The following NCAPG2 variants were observed in gnomAD, a reference collection of about 807,000 sequenced individuals.
NCAPG2 encodes non-SMC condensin II complex subunit G2, also known as condensin-2 complex subunit G2.
NCAPG2 carries 53 observed loss-of-function variants against 141.1 expected under a neutral mutation model. The observed-to-expected ratio is 0.38, with a 90% CI of 0.30 to 0.47. The LOEUF is 0.47. Ranked by LOEUF, NCAPG2 falls within the 20% of genes least tolerant of loss-of-function variation. NCAPG2 has a pLI of 0.99. For synonymous variants in NCAPG2, 499 were observed against 490.7 expected, an observed-to-expected ratio of 1.02 and a Z score of -0.22; for missense variants, 1,087 against 1,389.0, an observed-to-expected ratio of 0.78 and a Z score of 3.46.
At chr7:158,693,183 C>T in intron 3 of NCAPG2, 126 bp downstream of exon 3, 1 of 1,071,486 alleles carries the variant, frequency 9.3e-7, no homozygotes, top group Non-Finnish European at 1.3e-6. Context: ...ACAGACTAAA[C>T]TTCTAAAATT....
chr7:158,686,058 C>T lies in NCAPG2; in HGVS notation c.837+114G>A, dbSNP rs991407900. On this transcript the variant is annotated intron_variant, in intron 8 of 27. Transcript: ENST00000356309. ...CATCAAATAGATTTTCATTATTTGG[C>T]TTTATTTTGACAGAGTGCATAAACA... The T allele has an allele frequency of 9.7e-5, 59 of 606,646 alleles. 1 individual carries two copies. The highest frequency in any genetic ancestry group is 1.7e-4 in the South Asian group (7 of 41,962). The allele number at this position is 606,646 out of a possible 1,614,324, so 37.6% of individuals were successfully genotyped here.
rs914544405 is a variant in NCAPG2, at chr7:158,633,815, G to A, written c.3381-2098C>T. Among the ~76,000 whole-genome samples, 1 of 151,994 alleles carries A rather than the reference G, an allele frequency of 6.6e-6. No individual in the cohort carries two copies. The highest frequency in any genetic ancestry group is 2.4e-5 in the African/African-American group (1 of 41,384). On this transcript the variant is annotated intron_variant, in intron 27 of 27. Coordinates refer to ENST00000356309, the MANE Select transcript of NCAPG2 (RefSeq NM_017760.7). This position sits in a 1 kb window ranked among gnomAD's most constrained non-coding sequence, Gnocchi z 4.1. ...ACCCAGGCTGAAGTGCAGCAGTGAG[G>A]TCACAGCTCACTGCAGCCTTGACCT...
At chr7:158,675,195 T>C (rs914547406) in intron 12 of NCAPG2, among the ~76,000 whole-genome samples, 1 of 152,228 alleles carries the variant, frequency 6.6e-6, no homozygotes, top group African/African-American at 2.4e-5. Flanking sequence ...GCAAAGCATA[T>C]TTCTCCAAGA....
At chr7:158,657,466 C>T (rs893728606) in intron 17 of NCAPG2, among the ~76,000 whole-genome samples, 1 of 152,240 alleles carries the variant, frequency 6.6e-6, no homozygotes, top group African/African-American at 2.4e-5. Context: ...CAGTTCCATG[C>T]AGTCTCTTCT....
At position 158,658,929 on chromosome 7, in the gene NCAPG2, A is replaced by G. The variant is rs180905954; in HGVS notation, c.1990-521T>C. On this transcript the variant is annotated intron_variant, in intron 16 of 27. Coordinates refer to ENST00000356309, the MANE Select transcript of NCAPG2 (RefSeq NM_017760.7). ...ATAGTGGCTCATGCCTCTAATCCCAACGCTTTGTGAGCCTGAGGTGAGAGG... is the reference window on the plus strand; with the variant it reads ...ATAGTGGCTCATGCCTCTAATCCCAGCGCTTTGTGAGCCTGAGGTGAGAGG... Among the ~76,000 whole-genome samples, 23 of 152,058 alleles carry G rather than the reference A, an allele frequency of 1.5e-4. 1 individual carries two copies. The highest frequency in any genetic ancestry group is 6.2e-4 in the South Asian group (3 of 4,820).
chr7:158,679,971 C>T lies in NCAPG2; in HGVS notation c.1135G>A (p.Glu379Lys), dbSNP rs780475474. 17 of 1,613,902 alleles carry T rather than the reference C, an allele frequency of 1.1e-5. No homozygotes were observed. The highest frequency in any genetic ancestry group is 3.4e-6 in the Non-Finnish European group (4 of 1,179,980). The change falls in exon 11 of 28, where the codon GAA becomes AAA. Residue 379 changes from glutamate (E) to lysine (K), a missense_variant. Glu to Lys is a moderately conservative substitution (Grantham distance 56, BLOSUM62 1). Transcript: ENST00000356309. ...CCTGAAGTACGTACATAGAGCTCTT[C>T]AAACTGTTTCTGGATTTCACTATCC... ...EMDSEIQKQFEELYSLLEDPY... is the reference protein window; with the variant it reads ...EMDSEIQKQFKELYSLLEDPY...
Position 158,664,230 on chromosome 7 carries a change from G to A in NCAPG2, c.1769C>T (p.Pro590Leu), listed in dbSNP as rs1832745977. The A allele has an allele frequency of 1.2e-6, 2 of 1,613,786 alleles. No homozygotes were observed. The highest frequency in any genetic ancestry group is 1.7e-6 in the Non-Finnish European group (2 of 1,179,724). ...ACIQRAVREP[P>L]EDEEEEDGRE... ...TCCGTCCTCTTCCTCCTCGTCCTCTGGAGGCTCTCTCACTGCCCTCTGGAT... is the reference window on the plus strand; with the variant it reads ...TCCGTCCTCTTCCTCCTCGTCCTCTAGAGGCTCTCTCACTGCCCTCTGGAT... Residue 590 changes from proline to leucine, a missense_variant, in exon 15 of 28, where the codon CCA (proline) becomes CTA (leucine). Physicochemically the swap from Pro to Leu is moderately conservative, Grantham distance 98. Transcript: ENST00000356309.
Position 158,631,709 on chromosome 7 carries a change from T to C in NCAPG2, c.3389A>G (p.Tyr1130Cys), listed in dbSNP as rs769916057. 5.0e-6 allele frequency: 8 copies of C among 1,597,982 alleles called. No individual in the cohort carries two copies. The African/African-American group carries it at 9.4e-5, about 19-fold the overall frequency. The change falls in exon 28 of 28, where the codon TAT becomes TGT. Residue 1130 changes from tyrosine (Y) to cysteine (C), a missense_variant. By Grantham distance (194) the Tyr-to-Cys change is radical. Transcript: ENST00000356309. ...LEEDSIERFL[Y>C]ESSSRTLGEL... The stretch of plus-strand genomic sequence containing the variant: ...TCCCAGAGTTCTTGATGATGATTCA[T>C]AGAGAAATCTGAAACACAAATAAAG...
intron 27 of NCAPG2, chr7:158,641,530 T>C: frequency 1.5e-6 from 1 of 662,572 alleles, no homozygotes. Flanking sequence ...GAGCCCAGCC[T>C]GGGCAACACA....
chr7:158,649,206 A>G (rs1206191874), intron 24 of NCAPG2, among the ~76,000 whole-genome samples: 1 of 152,246 alleles, frequency 6.6e-6, no homozygotes, highest in East Asian at 1.9e-4. Flanking sequence ...AAGAAAATAC[A>G]TGAAAAGAAA....
At chr7:158,662,884 T>C (rs1264191164) in intron 15 of NCAPG2, among the ~76,000 whole-genome samples, 1 of 152,204 alleles carries the variant, frequency 6.6e-6, no homozygotes, top group Non-Finnish European at 1.5e-5. Context: ...GAACACAGCC[T>C]GAGAGGCTGG....
intron 24 of NCAPG2, among the ~76,000 whole-genome samples, chr7:158,648,886 G>A (rs991585465): frequency 6.6e-5 from 10 of 151,960 alleles, no homozygotes; most frequent in African/African-American, 1.9e-4. Context: ...CTATAACCAC[G>A]GCAAATGGAC....
At chr7:158,675,695 T>C (rs1834006623) in intron 11 of NCAPG2, 39 bp from the exon 12 acceptor site, 1 of 1,580,964 alleles carries the variant, frequency 6.3e-7, no homozygotes, top group Non-Finnish European at 8.6e-7. Flanking sequence ...AAACCTTGAC[T>C]TATTTCCCGA....
chr7:158,674,310 A>C (rs1833926396), intron 12 of NCAPG2, among the ~76,000 whole-genome samples: 1 of 150,720 alleles, frequency 6.6e-6, no homozygotes, highest in Non-Finnish European at 1.5e-5. Flanking sequence ...TTTTTGAGAC[A>C]AGGTCTGGCT....
At chr7:158,669,643 C>T (rs1833541948) in intron 13 of NCAPG2, among the ~76,000 whole-genome samples, 1 of 151,710 alleles carries the variant, frequency 6.6e-6, no homozygotes, top group African/African-American at 2.4e-5. Flanking sequence ...GTGGCACGTG[C>T]CTGTAGTCCC....
In NCAPG2 at chr7:158,692,965, G is replaced by T. The variant is rs1835223510; in HGVS notation, c.268-9C>A. 1 of 1,482,992 alleles carries T rather than the reference G, an allele frequency of 6.7e-7. No homozygotes were observed. Among genetic ancestry groups the T allele is most frequent in the South Asian group, 1.2e-5 (1 of 82,588 alleles). The allele number at this position is 1,482,992 out of a possible 1,614,324, so 91.9% of individuals were successfully genotyped here. A position where few individuals can be genotyped will look rare whatever the true frequency, so the allele number is the denominator to read the frequency against. On this transcript the variant is annotated splice_polypyrimidine_tract_variant and intron_variant, in intron 3 of 27. Coordinates refer to ENST00000356309, the MANE Select transcript of NCAPG2 (RefSeq NM_017760.7). ...ATTTCTATGCTTTTTCTCTATAAAT[G>T]AAAAATCAAAGCATGAGTGAATTAA...
chr7:158,684,744 G>C (rs1834651426), intron 8 of NCAPG2, among the ~76,000 whole-genome samples: 2 of 152,180 alleles, frequency 1.3e-5, no homozygotes. Flanking sequence ...GTAGAGACAG[G>C]GTCTCGCCAT....
intron 27 of NCAPG2, among the ~76,000 whole-genome samples, chr7:158,636,334 A>G (rs1382788749): frequency 6.6e-6 from 1 of 151,978 alleles, no homozygotes; most frequent in Admixed American, 6.5e-5. Context: ...CTTCCCTTTC[A>G]TCTTCAGAAT....
chr7:158,638,808 G>A (rs150362814), intron 27 of NCAPG2, among the ~76,000 whole-genome samples: 10 of 152,116 alleles, frequency 6.6e-5, no homozygotes, highest in Middle Eastern at 3.2e-3. Flanking sequence ...ATTAACGAAC[G>A]TGAACTGATC....
Sources: allele counts gnomAD v4.1 joint callset (sites outside exome capture counted in the v4.1 genomes callset), GRCh38; gene constraint gnomAD v4.1.1; non-coding constraint Gnocchi (gnomAD v3.1); transcripts MANE v1.5; gene names NCBI Gene and HGNC (gene_info 2026-07-23, HGNC 2026-07-21).